Variants in PSMA1 observed in about 807,000 individuals in gnomAD.
The protein encoded by PSMA1 is proteasome subunit alpha type-1.
In PSMA1, 3 loss-of-function variants were observed where a neutral mutation model predicts 38.4. That is an observed-to-expected ratio of 0.08 (90% confidence interval 0.04 to 0.20). PSMA1 has a LOEUF of 0.20. Among genes scored for constraint, PSMA1 ranks in the 10% least tolerant of loss-of-function variants. The pLI is 1.00. For missense variants in PSMA1, 227 were observed against 325.3 expected (o/e 0.70, Z 2.32); for synonymous variants, 101 against 107.1 (o/e 0.94, Z 0.35).
intron 1 of PSMA1, among the ~76,000 whole-genome samples, chr11:14,635,632 T>C (rs1291231767): frequency 6.6e-6 from 1 of 152,200 alleles, no homozygotes; most frequent in Non-Finnish European, 1.5e-5. Flanking sequence ...GGTAAAAATA[T>C]AGTGATTTTA....
intron 2 of PSMA1, among the ~76,000 whole-genome samples, chr11:14,545,151 G>A (rs550994437): frequency 6.6e-6 from 1 of 152,164 alleles, no homozygotes; most frequent in East Asian, 1.9e-4. Flanking sequence ...TACTTTAAGT[G>A]GAGAATTTTA....
intron 1 of PSMA1, among the ~76,000 whole-genome samples, chr11:14,619,639 C>T (rs10741652): frequency 0.98 from 149,317 of 152,274 alleles, 73,306 homozygotes; most frequent in Middle Eastern, 1. Flanking sequence ...TAATAGATTG[C>T]TTTCCTTGAG....
chr11:14,615,071 G>T (rs1368134633), intron 1 of PSMA1, among the ~76,000 whole-genome samples: 1 of 152,160 alleles, frequency 6.6e-6, no homozygotes, highest in Non-Finnish European at 1.5e-5. Flanking sequence ...GGGATTGCTT[G>T]TCTGAATATA....
intron 1 of PSMA1, among the ~76,000 whole-genome samples, chr11:14,634,481 A>T (rs1435575434): frequency 6.6e-6 from 1 of 151,698 alleles, no homozygotes; most frequent in East Asian, 1.9e-4. Flanking sequence ...GATTCCACTT[A>T]ATTCTTCGTA....
At position 14,579,486 on chromosome 11, in the gene PSMA1, C is replaced by CT. The variant is rs756980966; in HGVS notation, c.21+31479dup. On this transcript the variant is annotated intron_variant, in intron 2 of 10. Transcript: ENST00000418988. ...CTTAACTTAATTACAGCTGCAAAGA[C>CT]TTTTTTTTTTTTTTTTTTTTTTTAA... Among the ~76,000 whole-genome samples the CT allele has an allele frequency of 9.3e-3, 1,050 of 112,490 alleles. 41 individuals are homozygous for CT. The East Asian group carries it at 0.1, about 11-fold the overall frequency. 73.8% of individuals were successfully genotyped at this position (112,490 alleles called of 152,430 possible). A position where few individuals can be genotyped will look rare whatever the true frequency, so the allele number is the denominator to read the frequency against.
upstream of PSMA1, among the ~76,000 whole-genome samples, chr11:14,521,808 G>C (rs144944577): frequency 1.8e-3 from 271 of 148,532 alleles, 1 homozygote; most frequent in African/African-American, 6.4e-3. Context: ...TTGTTCTCCA[G>C]AAATGTTTTA....
chr11:14,607,467 A>G (rs1852656476), intron 2 of PSMA1, among the ~76,000 whole-genome samples: 1 of 152,208 alleles, frequency 6.6e-6, no homozygotes, highest in African/African-American at 2.4e-5. Flanking sequence ...AGGCCAGAGT[A>G]ATACATTAGA....
chr11:14,581,778 T>G (rs1263294952), intron 2 of PSMA1, among the ~76,000 whole-genome samples: 1 of 152,232 alleles, frequency 6.6e-6, no homozygotes, highest in African/African-American at 2.4e-5. Flanking sequence ...GTCACATTAT[T>G]AAGACTTGGC....
At chr11:14,555,214 A>T (rs1851929392) in intron 2 of PSMA1, among the ~76,000 whole-genome samples, 1 of 152,228 alleles carries the variant, frequency 6.6e-6, no homozygotes, top group Admixed American at 6.5e-5. Context: ...TATCTCTTGG[A>T]CATTGTGAAA....
At chr11:14,576,463 G>T (rs1345881078) in intron 2 of PSMA1, among the ~76,000 whole-genome samples, 1 of 152,170 alleles carries the variant, frequency 6.6e-6, no homozygotes, top group Admixed American at 6.5e-5. Flanking sequence ...TGTATAAGGT[G>T]TAAGTAAGGG....
intron 4 of PSMA1, among the ~76,000 whole-genome samples, chr11:14,514,786 T>C (rs535957589): frequency 2.0e-5 from 3 of 152,332 alleles, no homozygotes; most frequent in Admixed American, 1.3e-4. Flanking sequence ...GCAACCTCTC[T>C]TCTCTTATCC....
chr11:14,560,618 A>G (rs1318792971), intron 2 of PSMA1, among the ~76,000 whole-genome samples: 1 of 152,212 alleles, frequency 6.6e-6, no homozygotes, highest in East Asian at 1.9e-4. Flanking sequence ...ACACAAGTGG[A>G]TCACTGTGAG....
chr11:14,551,085 C>T lies in PSMA1; in HGVS notation c.22-32044G>A, dbSNP rs1851879262. Among the ~76,000 whole-genome samples the T allele has an allele frequency of 1.3e-5, 2 of 152,148 alleles. 1 individual carries two copies. Among genetic ancestry groups the T allele is most frequent in the South Asian group, 4.1e-4 (2 of 4,828 alleles). On this transcript the variant is annotated intron_variant, in intron 2 of 10. Transcript: ENST00000418988. ...AGTGACATTACTGTTGTGTCATTTG[C>T]ATCTAGCAGATTTCACTATTATCAT...
intron 2 of PSMA1, among the ~76,000 whole-genome samples, chr11:14,537,463 A>G (rs545505607): frequency 6.6e-6 from 1 of 152,070 alleles, no homozygotes; most frequent in Non-Finnish European, 1.5e-5. Flanking sequence ...AATAGATCAT[A>G]TCTTTTAAAG....
intron 2 of PSMA1, among the ~76,000 whole-genome samples, chr11:14,547,054 T>C (rs140648104): frequency 1.3e-5 from 2 of 152,308 alleles, no homozygotes; most frequent in East Asian, 3.9e-4. Flanking sequence ...TGACAACAAA[T>C]ATCAGATGAT....
intron 1 of PSMA1, among the ~76,000 whole-genome samples, chr11:14,624,522 G>T (rs1852888208): frequency 6.6e-6 from 1 of 152,226 alleles, no homozygotes; most frequent in South Asian, 2.1e-4. Flanking sequence ...TGCAACTCTG[G>T]GCTCTGCAGG....
At chr11:14,548,687 A>G (rs897772847) in intron 2 of PSMA1, among the ~76,000 whole-genome samples, 1 of 152,234 alleles carries the variant, frequency 6.6e-6, no homozygotes, top group Admixed American at 6.5e-5. Flanking sequence ...CTGGATATAC[A>G]TATCACACAG....
rs1196952623 is a variant in PSMA1 at position 14,513,697 on chromosome 11, A to G, written c.417T>C (p.Asp139=). 1 of 1,576,162 alleles carries G rather than the reference A, an allele frequency of 6.3e-7. No homozygotes were observed. The highest frequency in any genetic ancestry group is 1.2e-5 in the South Asian group (1 of 83,384). The change falls in exon 7 of 10, where the codon GAT becomes GAC. Residue 139 remains aspartate, a splice_region_variant and synonymous_variant. Transcript: ENST00000396394. Reference sequence around the variant, plus strand: ...AGGTTTGGAAAATGTGAGGGCCCATATCCTACAAATAGAAATAAATACACC... The same window carrying G: ...AGGTTTGGAAAATGTGAGGGCCCATGTCCTACAAATAGAAATAAATACACC... ...GVGLLIAGYD[D]MGPHIFQTCP...
chr11:14,551,252 T>C (rs560358039), intron 2 of PSMA1, among the ~76,000 whole-genome samples: 2 of 152,310 alleles, frequency 1.3e-5, no homozygotes, highest in South Asian at 2.1e-4. Flanking sequence ...ATATAATTTG[T>C]TTTATATATG....
Sources: gnomAD v4.1 joint callset for allele counts (sites outside exome capture counted in the v4.1 genomes callset) on GRCh38, gnomAD v4.1.1 for gene constraint, MANE v1.5 for transcripts, NCBI Gene and HGNC (gene_info 2026-07-23, HGNC 2026-07-21) for gene names.